ZNF717: variants seen among roughly 807,000 people sequenced by gnomAD.
ZNF717 encodes krueppel-like factor X17.
A neutral mutation model predicts 13.8 loss-of-function variants in ZNF717; 9 were observed. The observed-to-expected ratio is 0.65, with a 90% CI of 0.39 to 1.14. ZNF717 has a LOEUF of 1.14. Among genes scored for constraint, ZNF717 ranks in the 50% most tolerant of loss-of-function variants. The pLI is 0.01. For missense variants in ZNF717, 1,040 were observed against 1,080.7 expected (o/e 0.96, Z 0.53); for synonymous variants, 327 against 364.1 (o/e 0.90, Z 1.16).
rs72503563 is a variant in ZNF717, at chr3:75,762,413, C to A, written c.58-20677G>T. Among the ~76,000 whole-genome samples the A allele has an allele frequency of 2.6e-3, 385 of 145,298 alleles. 3 individuals carry two copies. The East Asian group carries it at 0.067, about 25-fold the overall frequency. ...CTGAGACAGTGCCACTGCACTCCAG[C>A]CTGGGAGACAGAGCAAGACTCCATC... On this transcript the variant is annotated intron_variant, in intron 2 of 4. Coordinates refer to ENST00000652011, the MANE Select transcript of ZNF717 (RefSeq NM_001290208.3).
rs1370780823 is a variant in ZNF717 at position 75,736,802 on chromosome 3, C to T, written c.*76G>A. 7.0e-7 allele frequency: 1 copy of T among 1,425,800 alleles called. No individual in the cohort carries two copies. Among genetic ancestry groups the T allele is most frequent in the South Asian group, 1.5e-5 (1 of 67,626 alleles). The allele number at this position is 1,425,800 out of a possible 1,614,324, so 88.3% of individuals were successfully genotyped here. A position where few individuals can be genotyped will look rare whatever the true frequency, so the allele number is the denominator to read the frequency against. ...TTGGTAGGCCAGGAGGTAATGGTCA[C>T]CATTTGTGTCCATATTCTCCTAGAC... is the stretch of plus-strand genomic sequence containing the variant. On this transcript the variant is annotated 3_prime_UTR_variant, in exon 5 of 5. Transcript: ENST00000652011.
downstream of ZNF717, among the ~76,000 whole-genome samples, chr3:75,732,459 G>A (rs78779576): frequency 6.6e-6 from 1 of 152,210 alleles, no homozygotes; most frequent in African/African-American, 2.4e-5. Context: ...TGTTGAAACC[G>A]AGTCTCCAAT....
intron 2 of ZNF717, among the ~76,000 whole-genome samples, chr3:75,772,118 T>TGGGCACAGC (rs1943941442): frequency 6.6e-6 from 1 of 152,228 alleles, no homozygotes; most frequent in Non-Finnish European, 1.5e-5. Flanking sequence ...CTGGGCACTG[T>TGGGCACAGC]GGGCACAGCT....
At chr3:75,712,096 A>C (rs1468879997) in intron 5 of ZNF717, among the ~76,000 whole-genome samples, 3 of 152,274 alleles carry the variant, frequency 2.0e-5, no homozygotes, top group African/African-American at 7.2e-5. Flanking sequence ...GAACCACAGA[A>C]AAAAAGTTAC....
intron 2 of ZNF717, among the ~76,000 whole-genome samples, chr3:75,763,166 G>A (rs1943170643): frequency 6.6e-6 from 1 of 152,158 alleles, no homozygotes; most frequent in African/African-American, 2.4e-5. Flanking sequence ...AAAAGCTCAG[G>A]CAGTAAAATC....
chr3:75,744,225 T>A (rs1348319996), intron 2 of ZNF717, among the ~76,000 whole-genome samples: 85 of 152,362 alleles, frequency 5.6e-4, no homozygotes, highest in African/African-American at 2.0e-3. Flanking sequence ...AAAAATCCTT[T>A]AACTGTGCAT....
In ZNF717 at chr3:75,768,741, C is replaced by T. The variant is rs544647223; in HGVS notation, c.57+14565G>A. Among the ~76,000 whole-genome samples the T allele has an allele frequency of 6.6e-5, 10 of 151,850 alleles. No individual in the cohort carries two copies. The South Asian group carries it at 1.9e-3, about 28-fold the overall frequency. ...TGTGTGGGGGGTAGATGACAGGCCA[C>T]CACAACCTGATTCAGTCCTCACTGT... On this transcript the variant is annotated intron_variant, in intron 2 of 4. Coordinates refer to ENST00000652011, the MANE Select transcript of ZNF717 (RefSeq NM_001290208.3).
intron 2 of ZNF717, among the ~76,000 whole-genome samples, chr3:75,761,508 G>A (rs112703513): frequency 1.6e-3 from 239 of 152,298 alleles, no homozygotes; most frequent in African/African-American, 5.5e-3. Context: ...ATTCACCACA[G>A]TACTGGAATT....
chr3:75,737,197 G>C lies in ZNF717; in HGVS notation c.2426C>G (p.Thr809Arg). 6.4e-7 allele frequency: 1 copy of C among 1,555,336 alleles called. No homozygotes were observed. The highest frequency in any genetic ancestry group is 1.2e-5 in the South Asian group (1 of 84,452). The change falls in exon 5 of 5, where the codon ACA becomes AGA. Residue 809 changes from threonine (T) to arginine (R), a missense_variant. Physicochemically the swap from Thr to Arg is moderately conservative, Grantham distance 71. Transcript: ENST00000652011. ...TVLTIHQRTH[T>R]GEKPFECKEC... ...TTTACATTCAAATGGCTTCTCACCT[G>C]TGTGAGTTCTCTGATGTATGGTGAG...
In ZNF717 at chr3:75,737,380, T is replaced by C. The variant is rs2107035568; in HGVS notation, c.2243A>G (p.His748Arg). Reference protein sequence around the residue: ...KPCQKSVLTVHHRTHTGEKPY... With the variant: ...KPCQKSVLTVRHRTHTGEKPY... ...TTTTTCTCCGGTATGGGTTCTATGATGTACAGTGAGGACTGACTTCTGACA... is the reference window on the plus strand; with the variant it reads ...TTTTTCTCCGGTATGGGTTCTATGACGTACAGTGAGGACTGACTTCTGACA... Residue 748 changes from histidine (H) to arginine (R), a missense_variant, in exon 5 of 5, where the codon CAT becomes CGT. By Grantham distance (29) the His-to-Arg change is conservative (BLOSUM62 0). Coordinates refer to ENST00000652011, the MANE Select transcript of ZNF717 (RefSeq NM_001290208.3). 2 of 1,552,958 alleles carry C rather than the reference T, an allele frequency of 1.3e-6. No homozygotes were observed. The highest frequency in any genetic ancestry group is 8.7e-7 in the Non-Finnish European group (1 of 1,147,758).
intron 2 of ZNF717, among the ~76,000 whole-genome samples, chr3:75,749,829 C>T (rs62266552): frequency 7.0e-6 from 1 of 142,822 alleles, no homozygotes; most frequent in Non-Finnish European, 1.5e-5. Flanking sequence ...GTCTGAATGT[C>T]TGTGACTCAC....
intron 2 of ZNF717, among the ~76,000 whole-genome samples, chr3:75,746,032 C>T (rs1223465310): frequency 1.3e-5 from 2 of 152,060 alleles, no homozygotes; most frequent in Admixed American, 6.6e-5. Flanking sequence ...GCTCCCCCTA[C>T]CCCACAACAA....
downstream of ZNF717, among the ~76,000 whole-genome samples, chr3:75,734,811 ATATATATT>A (rs1344513805): frequency 2.1e-4 from 4 of 19,274 alleles, no homozygotes; most frequent in East Asian, 2.1e-3. Flanking sequence ...ATATATATAT[ATATATATT>A]TTTTTTTTTT....
rs1939316174 is a variant in ZNF717 at position 75,736,892 on chromosome 3, A to T, written c.2731T>A (p.Ser911Thr). The T allele has an allele frequency of 1.9e-6, 3 of 1,549,012 alleles. No homozygotes were observed. Among genetic ancestry groups the T allele is most frequent in the African/African-American group, 1.4e-5 (1 of 72,928 alleles). The change falls in exon 5 of 5, where the codon TCT becomes ACT. Residue 911 changes from serine to threonine, a missense_variant. Physicochemically the swap from Ser to Thr is moderately conservative, Grantham distance 58. Around this residue, in one of 3 missense-constraint regions of ZNF717, gnomAD observed 44 missense variants for 70.1 expected, o/e 0.63. Coordinates refer to ENST00000652011, the MANE Select transcript of ZNF717 (RefSeq NM_001290208.3). Reference sequence around the variant, plus strand: ...AGGTTGTGTGTTCAAGGGAAAAAAGAGTGATTTTGAGGGAACACATAGCCT... The same window carrying T: ...AGGTTGTGTGTTCAAGGGAAAAAAGTGTGATTTTGAGGGAACACATAGCCT... Reference protein sequence around the residue: ...EAGYVFPQNHSFFP With the variant: ...EAGYVFPQNHTFFP
intron 2 of ZNF717, among the ~76,000 whole-genome samples, chr3:75,775,064 C>G (rs1458250129): frequency 1.3e-5 from 2 of 152,150 alleles, no homozygotes; most frequent in South Asian, 4.1e-4. Flanking sequence ...TGGGTTCAAG[C>G]GATTCTCCTG....
At chr3:75,780,506 G>A (rs1252739169) in intron 2 of ZNF717, among the ~76,000 whole-genome samples, 4 of 151,320 alleles carry the variant, frequency 2.6e-5, no homozygotes, top group Non-Finnish European at 5.9e-5. Flanking sequence ...CCGGGTTCAG[G>A]CCATTCTGCC....
chr3:75,703,488 C>T (rs1266236724), intron 6 of ZNF717, among the ~76,000 whole-genome samples: 1 of 152,194 alleles, frequency 6.6e-6, no homozygotes, highest in African/African-American at 2.4e-5. Flanking sequence ...CAGGATGGTG[C>T]ACTGCACTCC....
chr3:75,697,802 G>A (rs1287575394), intron 6 of ZNF717, among the ~76,000 whole-genome samples: 1 of 152,296 alleles, frequency 6.6e-6, no homozygotes, highest in African/African-American at 2.4e-5. Flanking sequence ...GGCAGAGGTT[G>A]GAAGAGTTTG....
chr3:75,739,448 T>G (rs1284521788), intron 4 of ZNF717, 103 bp from the exon 5 acceptor site: 14 of 761,452 alleles, frequency 1.8e-5, no homozygotes, highest in Non-Finnish European at 2.6e-5. Context: ...TGGAGTAAGA[T>G]TTGACAAAAA....
Sources: gnomAD v4.1 joint callset for allele counts (sites outside exome capture counted in the v4.1 genomes callset) on GRCh38, gnomAD v4.1.1 for gene constraint, gnomAD v4.1.1 regional missense constraint, MANE v1.5 for transcripts, NCBI Gene and HGNC (gene_info 2026-07-23, HGNC 2026-07-21) for gene names.